Variants in NEBL observed in about 807,000 individuals in gnomAD.
NEBL encodes nebulette.
In NEBL, 122 loss-of-function variants were observed where a neutral mutation model predicts 140.2. The observed-to-expected ratio is 0.87, with a 90% CI of 0.75 to 1.01. The LOEUF is 1.01. Ranked by LOEUF, NEBL falls within the 50% of genes least tolerant of loss-of-function variation. NEBL has a pLI of 0.00. For synonymous variants in NEBL, 436 were observed against 398.9 expected (o/e 1.09, Z -1.11); for missense variants, 1,365 against 1,231.3 (o/e 1.11, Z -1.62).
At chr10:20,962,090 G>T (rs1245340120) in intron 3 of NEBL, among the ~76,000 whole-genome samples, 1 of 152,186 alleles carries the variant, frequency 6.6e-6, no homozygotes, top group East Asian at 1.9e-4. Flanking sequence ...ACTACTTGAT[G>T]CATGAATCTG....
At chr10:20,888,806 C>T (rs142675080) in intron 3 of NEBL, among the ~76,000 whole-genome samples, 44 of 152,358 alleles carry the variant, frequency 2.9e-4, no homozygotes, top group African/African-American at 9.6e-4. Flanking sequence ...CTGCAATTAA[C>T]TCCTTCAGGA....
intron 2 of NEBL, among the ~76,000 whole-genome samples, chr10:21,034,347 C>T (rs1462049492): frequency 1.3e-5 from 2 of 151,892 alleles, no homozygotes; most frequent in East Asian, 3.9e-4. Flanking sequence ...CAACCACTAC[C>T]ACCGGCATAC....
chr10:21,054,827 T>C (rs1773094775), intron 2 of NEBL, among the ~76,000 whole-genome samples: 2 of 152,192 alleles, frequency 1.3e-5, no homozygotes, highest in Admixed American at 6.5e-5. Context: ...ACAATCATAG[T>C]ATCCAAAAAT....
chr10:21,092,779 T>G (rs1204117955), intron 2 of NEBL, among the ~76,000 whole-genome samples: 1 of 152,096 alleles, frequency 6.6e-6, no homozygotes, highest in Non-Finnish European at 1.5e-5. Flanking sequence ...TCCAGGCCCC[T>G]TCACATCTGA....
At chr10:21,249,401 A>G (rs1436674811) in intron 2 of NEBL, among the ~76,000 whole-genome samples, 1 of 151,966 alleles carries the variant, frequency 6.6e-6, no homozygotes, top group African/African-American at 2.4e-5. Context: ...CAATTTGTCT[A>G]TTTTTCTTTT....
chr10:21,047,594 G>T (rs954871185), intron 2 of NEBL, among the ~76,000 whole-genome samples: 3 of 151,696 alleles, frequency 2.0e-5, no homozygotes, highest in African/African-American at 7.3e-5. Flanking sequence ...AATAAATGAA[G>T]GTAAAGTGGC....
chr10:20,797,225 G>A (rs776409368), intron 26 of NEBL, among the ~76,000 whole-genome samples: 1 of 152,110 alleles, frequency 6.6e-6, no homozygotes, highest in African/African-American at 2.4e-5. Flanking sequence ...TTCATTACTC[G>A]AGTACAATGA....
At chr10:21,169,383 A>G (rs907351232) in intron 2 of NEBL, among the ~76,000 whole-genome samples, 2 of 152,062 alleles carry the variant, frequency 1.3e-5, no homozygotes, top group Admixed American at 1.3e-4. Flanking sequence ...CAGTATACAT[A>G]AGAAAATCAA....
intron 3 of NEBL, chr10:21,019,991 C>A: frequency 4.9e-6 from 4 of 820,414 alleles, no homozygotes; most frequent in Non-Finnish European, 8.6e-6. Context: ...CCCACACAGG[C>A]CTGCTTTCAG....
chr10:20,864,686 G>T (rs1018043878), intron 7 of NEBL, among the ~76,000 whole-genome samples: 1 of 151,996 alleles, frequency 6.6e-6, no homozygotes, highest in East Asian at 1.9e-4. Flanking sequence ...TAAATCATTT[G>T]CCTTCTATGT....
chr10:21,237,321 C>T (rs1305623509), intron 3 of NEBL, among the ~76,000 whole-genome samples: 2 of 152,072 alleles, frequency 1.3e-5, no homozygotes, highest in Non-Finnish European at 2.9e-5. Flanking sequence ...TCTCCTGCCT[C>T]AGCCTCCCGA....
At chr10:21,066,175 T>G (rs1396559807) in intron 2 of NEBL, among the ~76,000 whole-genome samples, 1 of 152,216 alleles carries the variant, frequency 6.6e-6, no homozygotes, top group Non-Finnish European at 1.5e-5. Context: ...ATTAACCTCT[T>G]CCCTGCTTCT....
chr10:20,901,733 T>G (rs1462277471), upstream of NEBL, among the ~76,000 whole-genome samples: 2 of 152,220 alleles, frequency 1.3e-5, no homozygotes, highest in Non-Finnish European at 2.9e-5. Context: ...TTCACACTCA[T>G]TTTTTGTTGC....
intron 2 of NEBL, among the ~76,000 whole-genome samples, chr10:21,162,703 C>T (rs916277691): frequency 6.6e-6 from 1 of 152,142 alleles, no homozygotes; most frequent in African/African-American, 2.4e-5. Context: ...CAAACACGAC[C>T]ATCATACAAA....
At chr10:20,899,577 T>A (rs1197347437), upstream of NEBL, 1 of 405,834 alleles carries the variant, frequency 2.5e-6, no homozygotes, top group Non-Finnish European at 4.4e-6. Context: ...GCCAAAGGGA[T>A]CCTTAAGAAA....
At chr10:20,861,613 C>T (rs1843710183) in intron 7 of NEBL, among the ~76,000 whole-genome samples, 1 of 152,142 alleles carries the variant, frequency 6.6e-6, no homozygotes, top group Non-Finnish European at 1.5e-5. Context: ...CAGCCTTCCG[C>T]TGGAATGACA....
At chr10:20,986,058 T>A (rs1215420818) in intron 3 of NEBL, among the ~76,000 whole-genome samples, 1 of 152,178 alleles carries the variant, frequency 6.6e-6, no homozygotes, top group East Asian at 1.9e-4. Context: ...AGAAATGAAC[T>A]GCAACTACAT....
chr10:21,132,736 G>A (rs1330675959), intron 2 of NEBL, among the ~76,000 whole-genome samples: 1 of 152,170 alleles, frequency 6.6e-6, no homozygotes, highest in Non-Finnish European at 1.5e-5. Context: ...AAAGAGTGAT[G>A]ATACCAGGCC....
intron 26 of NEBL, among the ~76,000 whole-genome samples, chr10:20,795,953 ATTCT>A (rs1296410697): frequency 6.6e-6 from 1 of 152,232 alleles, no homozygotes; most frequent in African/African-American, 2.4e-5. Context: ...TGGATTAAAG[ATTCT>A]TTATTGCCTG....
Sources: gnomAD v4.1 joint callset for allele counts (sites outside exome capture counted in the v4.1 genomes callset) on GRCh38, gnomAD v4.1.1 for gene constraint, MANE v1.5 for transcripts, NCBI Gene and HGNC (gene_info 2026-07-23, HGNC 2026-07-21) for gene names.